PRICKLE1: variants seen among roughly 807,000 people sequenced by gnomAD.
PRICKLE1 encodes the protein prickle-like protein 1.
Under a neutral mutation model 70.2 loss-of-function variants are expected in PRICKLE1, and 14 were observed. That is an observed-to-expected ratio of 0.20 (90% CI 0.13 to 0.31). The LOEUF (loss-of-function observed/expected upper bound fraction) is 0.31. PRICKLE1 is among the 10% of genes least tolerant of loss of function. The pLI is 1.00. For missense variants in PRICKLE1, 821 were observed against 1,026.2 expected, an observed-to-expected ratio of 0.80 and a Z score of 2.73; for synonymous variants, 357 against 379.9, an observed-to-expected ratio of 0.94 and a Z score of 0.70.
At position 42,460,352 on chromosome 12, in the gene PRICKLE1, C is replaced by T. The variant is rs766992928; in HGVS notation, c.1953G>A (p.Pro651=). ...CGCGTCTCCGAGTCCTTTCACTCAT[C>T]GGAGGCTGCCGGATTTCAATGTCAT... ...GNYDIEIRQP[P]MSERTRRRVY... Residue 651 remains proline, a synonymous_variant, in exon 8 of 8, where the codon CCG becomes CCA. Transcript: ENST00000345127. 1.2e-6 allele frequency: 2 copies of T among 1,614,110 alleles called. No individual in the cohort carries two copies. Among genetic ancestry groups the T allele is most frequent in the Non-Finnish European group, 1.7e-6 (2 of 1,180,030 alleles).
intron 1 of PRICKLE1, among the ~76,000 whole-genome samples, chr12:42,503,933 G>A (rs1334574777): frequency 6.6e-6 from 1 of 152,018 alleles, no homozygotes; most frequent in Non-Finnish European, 1.5e-5. Flanking sequence ...AGTAGCAAAG[G>A]GAATTCTTGG....
At chr12:42,477,671 A>G (rs1312490569) in intron 1 of PRICKLE1, among the ~76,000 whole-genome samples, 2 of 151,772 alleles carry the variant, frequency 1.3e-5, no homozygotes, top group African/African-American at 2.4e-5. Flanking sequence ...ATACCTAACC[A>G]TGGTTGAATG....
intron 5 of PRICKLE1, 49 bp from the exon 6 acceptor site, chr12:42,466,429 C>G (rs1566082621): frequency 6.4e-7 from 1 of 1,570,476 alleles, no homozygotes; most frequent in Non-Finnish European, 8.8e-7. Context: ...TCATTAGGAA[C>G]TATTTTAAAG....
chr12:42,534,752 G>A (rs547980288), intron 1 of PRICKLE1, among the ~76,000 whole-genome samples: 1 of 152,116 alleles, frequency 6.6e-6, no homozygotes, highest in African/African-American at 2.4e-5. Context: ...ACAATGGTGG[G>A]AAAAGGAACA....
intron 1 of PRICKLE1, among the ~76,000 whole-genome samples, chr12:42,572,777 A>T (rs559308992): frequency 6.6e-6 from 1 of 152,290 alleles, no homozygotes; most frequent in South Asian, 2.1e-4. Context: ...CAAGTGAGCC[A>T]TGACAGCACC....
chr12:42,587,640 G>T (rs1941005414), intron 1 of PRICKLE1, among the ~76,000 whole-genome samples: 1 of 152,202 alleles, frequency 6.6e-6, no homozygotes, highest in African/African-American at 2.4e-5. Flanking sequence ...GTACCAGCAG[G>T]TGCTGTATTT....
chr12:42,571,459 G>T (rs1269343612), intron 1 of PRICKLE1, among the ~76,000 whole-genome samples: 1 of 152,192 alleles, frequency 6.6e-6, no homozygotes, highest in African/African-American at 2.4e-5. Context: ...AACCCAGGCT[G>T]TGTTTAAAGC....
intron 1 of PRICKLE1, among the ~76,000 whole-genome samples, chr12:42,540,931 G>T (rs747210744): frequency 2.6e-5 from 4 of 152,076 alleles, no homozygotes; most frequent in African/African-American, 4.8e-5. Flanking sequence ...GTTGTATTTA[G>T]AAATCTTTCC....
chr12:42,535,753 C>A (rs1390871981), intron 1 of PRICKLE1, among the ~76,000 whole-genome samples: 1 of 152,062 alleles, frequency 6.6e-6, no homozygotes, highest in Non-Finnish European at 1.5e-5. Flanking sequence ...CACTGCACTC[C>A]AGCCTGGGCA....
intron 1 of PRICKLE1, among the ~76,000 whole-genome samples, chr12:42,522,962 ATTTT>A (rs3083872): frequency 5.0e-5 from 7 of 139,576 alleles, no homozygotes; most frequent in Admixed American, 7.2e-5. Flanking sequence ...ATTCTAACAT[ATTTT>A]TTTTTTTTTT....
intron 1 of PRICKLE1, among the ~76,000 whole-genome samples, chr12:42,492,013 T>C (rs1432719252): frequency 6.6e-6 from 1 of 151,952 alleles, no homozygotes; most frequent in East Asian, 1.9e-4. Flanking sequence ...CTCAAACTCC[T>C]GACCTAATGA....
chr12:42,459,450 G>T lies in PRICKLE1; in HGVS notation c.*359C>A. ...ACTTACATAAATGACAAACACTAGT[G>T]CTTTACAAAGGTGGCTGGAGTTCTC... On this transcript the variant is annotated 3_prime_UTR_variant, in exon 8 of 8. Transcript: ENST00000345127. 1.5e-6 allele frequency: 1 copy of T among 684,886 alleles called. No individual in the cohort carries two copies. Among genetic ancestry groups the T allele is most frequent in the South Asian group, 1.5e-5 (1 of 65,172 alleles). The allele number at this position is 684,886 out of a possible 1,614,324, so 42.4% of individuals were successfully genotyped here. A position where few individuals can be genotyped will look rare whatever the true frequency, so the allele number is the denominator to read the frequency against.
At chr12:42,531,485 G>A (rs1030859787) in intron 1 of PRICKLE1, among the ~76,000 whole-genome samples, 1 of 152,096 alleles carries the variant, frequency 6.6e-6, no homozygotes, top group African/African-American at 2.4e-5. Flanking sequence ...TTCCTCCATC[G>A]TAGTATTACA....
Position 42,552,458 on chromosome 12 carries a change from T to G in PRICKLE1, c.-49+37007A>C, listed in dbSNP as rs576921687. Among the ~76,000 whole-genome samples, 3 of 152,376 alleles carry G rather than the reference T, an allele frequency of 2.0e-5. No individual in the cohort carries two copies. In the East Asian group the frequency reaches 5.8e-4, roughly 29 times the overall value. On this transcript the variant is annotated intron_variant, in intron 1 of 7. Coordinates refer to ENST00000345127, the MANE Select transcript of PRICKLE1 (RefSeq NM_153026.3). ...ACAGGAAACTAAGTAAGACAATGTA[T>G]GAAAAGCACTTAGTCCAGAGCCCCG...
At chr12:42,557,405 T>C (rs543619722) in intron 1 of PRICKLE1, among the ~76,000 whole-genome samples, 10 of 152,292 alleles carry the variant, frequency 6.6e-5, no homozygotes, top group African/African-American at 1.9e-4. Flanking sequence ...AAAACGCATT[T>C]CACATTCTAA....
rs1937711910 is a variant in PRICKLE1, at chr12:42,459,458, A to G, written c.*351T>C. Reference sequence around the variant, plus strand: ...AAATGACAAACACTAGTGCTTTACAAAGGTGGCTGGAGTTCTCCATCTTCT... The same window carrying G: ...AAATGACAAACACTAGTGCTTTACAGAGGTGGCTGGAGTTCTCCATCTTCT... On this transcript the variant is annotated 3_prime_UTR_variant, in exon 8 of 8. Coordinates refer to ENST00000345127, the MANE Select transcript of PRICKLE1 (RefSeq NM_153026.3). 1.5e-6 allele frequency: 1 copy of G among 677,892 alleles called. No homozygotes were observed. Among genetic ancestry groups the G allele is most frequent in the Middle Eastern group, 2.4e-4 (1 of 4,174 alleles). 42.0% of individuals were successfully genotyped at this position (677,892 alleles called of 1,614,324 possible).
intron 1 of PRICKLE1, among the ~76,000 whole-genome samples, chr12:42,539,333 G>C (rs1025445609): frequency 6.6e-6 from 1 of 151,732 alleles, no homozygotes; most frequent in African/African-American, 2.4e-5. Context: ...CCGGGCGTGG[G>C]GGTGGGCGCC....
intron 1 of PRICKLE1, among the ~76,000 whole-genome samples, chr12:42,557,766 CT>C (rs1267290122): frequency 2.6e-5 from 4 of 152,172 alleles, no homozygotes; most frequent in Non-Finnish European, 4.4e-5. Context: ...GGTTTCATGA[CT>C]GTTTTATGTA....
chr12:42,500,100 A>G (rs965492884), intron 1 of PRICKLE1, among the ~76,000 whole-genome samples: 2 of 152,116 alleles, frequency 1.3e-5, no homozygotes, highest in African/African-American at 4.8e-5. Context: ...AAATGAAGCA[A>G]TGATTGTCAG....
Sources: gnomAD v4.1 joint callset for allele counts (sites outside exome capture counted in the v4.1 genomes callset) on GRCh38, gnomAD v4.1.1 for gene constraint, MANE v1.5 for transcripts, NCBI Gene and HGNC (gene_info 2026-07-23, HGNC 2026-07-21) for gene names.